The following POLR1E variants were observed in gnomAD, a reference collection of about 807,000 sequenced individuals.
POLR1E encodes the protein DNA-directed RNA polymerase I subunit RPA49.
In POLR1E, 37 loss-of-function variants were observed where a neutral mutation model predicts 50.9. That is an observed-to-expected ratio of 0.73 (90% CI 0.56 to 0.96). The LOEUF is 0.96. POLR1E is among the 40% of genes least tolerant of loss of function. POLR1E has a pLI of 0.00. For missense variants in POLR1E, 426 were observed against 518.1 expected (o/e 0.82, Z 1.73); for synonymous variants, 166 against 191.6 (o/e 0.87, Z 1.10).
At chr9:37,488,981 G>A (rs1173141792) in intron 3 of POLR1E, among the ~76,000 whole-genome samples, 3 of 152,148 alleles carry the variant, frequency 2.0e-5, no homozygotes, top group Non-Finnish European at 2.9e-5. Context: ...GCTCACGCCT[G>A]TAATCCCAGC....
rs775895045 is a variant in POLR1E at position 37,487,846 on chromosome 9, C to T, written c.181-17C>T. ...CAACATTGGTTGTAAATGGAGTTTCCCCTCTCTGCATTTTAGGCAGCTGAA... is the reference window on the plus strand; with the variant it reads ...CAACATTGGTTGTAAATGGAGTTTCTCCTCTCTGCATTTTAGGCAGCTGAA... On this transcript the variant is annotated splice_polypyrimidine_tract_variant and intron_variant, in intron 2 of 11. Coordinates refer to ENST00000377798, the MANE Select transcript of POLR1E (RefSeq NM_022490.4). The T allele has an allele frequency of 5.6e-6, 9 of 1,612,568 alleles. No homozygotes were observed. The highest frequency in any genetic ancestry group is 1.1e-5 in the South Asian group (1 of 91,036).
At chr9:37,486,498 C>T (rs1382587284) in intron 1 of POLR1E, 5 of 1,553,672 alleles carry the variant, frequency 3.2e-6, no homozygotes, top group African/African-American at 2.7e-5. Context: ...CTGTCACAGC[C>T]CCTCCCCAGG....
intron 8 of POLR1E, among the ~76,000 whole-genome samples, chr9:37,497,421 A>G (rs928063612): frequency 1.3e-5 from 2 of 152,248 alleles, no homozygotes; most frequent in Non-Finnish European, 2.9e-5. Flanking sequence ...GAAAGGATTG[A>G]AACCCAGGCA....
rs577024565 is a variant in POLR1E at position 37,501,948 on chromosome 9, A to G, written c.1100+104A>G. On this transcript the variant is annotated intron_variant, in intron 11 of 11. Transcript: ENST00000377798. ...CCACCAAGGGAACTGAGGATGTTTA[A>G]ATGTGGGAACAACTTGGAACTAAAG... 3.2e-6 allele frequency: 4 copies of G among 1,263,238 alleles called. No individual in the cohort carries two copies. In the African/African-American group the frequency reaches 6.0e-5, roughly 19 times the overall value. The allele number at this position is 1,263,238 out of a possible 1,614,324, so 78.3% of individuals were successfully genotyped here. A position where few individuals can be genotyped will look rare whatever the true frequency, so the allele number is the denominator to read the frequency against.
At chr9:37,501,993 A>G in intron 11 of POLR1E, 149 bp downstream of exon 11, 1 of 793,648 alleles carries the variant, frequency 1.3e-6, no homozygotes, top group Non-Finnish European at 1.9e-6. Context: ...CAATGAATGA[A>G]TCATTGACTG....
intron 11 of POLR1E, among the ~76,000 whole-genome samples, chr9:37,502,246 T>C (rs1588808571): frequency 6.6e-6 from 1 of 152,294 alleles, no homozygotes; most frequent in South Asian, 2.1e-4. Context: ...AGGGATTCTG[T>C]ATGGTTCTGA....
intron 4 of POLR1E, chr9:37,490,720 A>G (rs187212815): frequency 7.1e-4 from 485 of 678,754 alleles, no homozygotes; most frequent in Non-Finnish European, 1.0e-3. Flanking sequence ...CAGTTTAGCC[A>G]TGGTAACACT....
intron 2 of POLR1E, 94 bp from the exon 3 acceptor site, chr9:37,487,769 G>A (rs1401318792): frequency 1.7e-6 from 2 of 1,193,624 alleles, no homozygotes; most frequent in South Asian, 1.3e-5. Context: ...TGTGAGTCTG[G>A]ATTCAAAAGC....
At chr9:37,498,434 T>C (rs746854864) in intron 9 of POLR1E, among the ~76,000 whole-genome samples, 4 of 152,178 alleles carry the variant, frequency 2.6e-5, no homozygotes, top group Non-Finnish European at 5.9e-5. Flanking sequence ...CATCTGAAAA[T>C]TGGGGCCACG....
intron 8 of POLR1E, 30 bp downstream of exon 8, chr9:37,496,016 G>C: frequency 6.4e-7 from 1 of 1,561,128 alleles, no homozygotes; most frequent in Non-Finnish European, 8.8e-7. Flanking sequence ...TGGGGATTCT[G>C]GGGAGTGCTG....
intron 8 of POLR1E, among the ~76,000 whole-genome samples, chr9:37,496,595 C>T (rs1820788402): frequency 6.8e-6 from 1 of 146,712 alleles, no homozygotes; most frequent in Admixed American, 6.8e-5. Context: ...CATTGAAATC[C>T]AGTGCCTTGG....
intron 9 of POLR1E, among the ~76,000 whole-genome samples, chr9:37,499,916 T>G (rs1479223143): frequency 6.6e-6 from 1 of 151,620 alleles, no homozygotes; most frequent in Admixed American, 6.6e-5. Flanking sequence ...AGTGGCTCGA[T>G]CTCGGCTCCC....
At chr9:37,500,267 C>T (rs1820860304) in intron 9 of POLR1E, among the ~76,000 whole-genome samples, 1 of 152,024 alleles carries the variant, frequency 6.6e-6, no homozygotes, top group Non-Finnish European at 1.5e-5. Flanking sequence ...CCACTGCAAC[C>T]TCTGCCTCCT....
At chr9:37,492,474 C>A in intron 4 of POLR1E, 183 bp from the exon 5 acceptor site, 1 of 830,306 alleles carries the variant, frequency 1.2e-6, no homozygotes, top group South Asian at 1.5e-5. Context: ...TTTCCAAGTT[C>A]TTTAACTGTA....
intron 4 of POLR1E, chr9:37,490,554 G>A (rs1052497028): frequency 4.1e-6 from 3 of 734,530 alleles, no homozygotes; most frequent in African/African-American, 3.5e-5. Flanking sequence ...TTTTGCTTCT[G>A]TCTTTTTCTA....
At chr9:37,493,760 T>C in intron 6 of POLR1E, 57 bp downstream of exon 6, 1 of 1,395,430 alleles carries the variant, frequency 7.2e-7, no homozygotes, top group South Asian at 1.9e-5. Flanking sequence ...TTCTCTTCTC[T>C]TGAGATCTTT....
At chr9:37,492,907 C>T (rs1285272687) in intron 5 of POLR1E, among the ~76,000 whole-genome samples, 192 bp downstream of exon 5, 4 of 152,180 alleles carry the variant, frequency 2.6e-5, no homozygotes, top group Non-Finnish European at 5.9e-5. Context: ...CAGTCTGGCT[C>T]CCATCTGGGG....
chr9:37,488,913 T>C (rs578224837), intron 3 of POLR1E, among the ~76,000 whole-genome samples: 1 of 151,736 alleles, frequency 6.6e-6, no homozygotes, highest in African/African-American at 2.4e-5. Flanking sequence ...ATTCCTCAGG[T>C]GTGTGGGCAG....
intron 10 of POLR1E, 84 bp from the exon 11 acceptor site, chr9:37,501,629 A>T: frequency 6.7e-7 from 1 of 1,483,346 alleles, no homozygotes; most frequent in Admixed American, 1.9e-5. Flanking sequence ...ATATGAGAAT[A>T]GGATTGGATG....
Sources: allele counts gnomAD v4.1 joint callset (sites outside exome capture counted in the v4.1 genomes callset), GRCh38; gene constraint gnomAD v4.1.1; transcripts MANE v1.5; gene names NCBI Gene and HGNC (gene_info 2026-07-23, HGNC 2026-07-21).